NBEA: variants seen among roughly 807,000 people sequenced by gnomAD.
NBEA encodes neurobeachin.
In NBEA, 44 loss-of-function variants were observed where a neutral mutation model predicts 343.4. That is an observed-to-expected ratio of 0.13 (90% CI 0.10 to 0.16). The LOEUF (loss-of-function observed/expected upper bound fraction) is 0.16. Among genes scored for constraint, NBEA ranks in the 10% least tolerant of loss-of-function variants. NBEA has a pLI of 1.00. For missense variants in NBEA, 2,555 were observed against 3,631.3 expected (o/e 0.70, Z 7.62); for synonymous variants, 1,175 against 1,238.7 (o/e 0.95, Z 1.08).
chr13:35,071,912 A>G (rs1010013268), intron 10 of NBEA, among the ~76,000 whole-genome samples: 1 of 152,070 alleles, frequency 6.6e-6, no homozygotes, highest in African/African-American at 2.4e-5. Context: ...CCTCCCGTCT[A>G]TGGGTCTTGC....
At chr13:35,446,288 T>C (rs2046039644) in intron 39 of NBEA, among the ~76,000 whole-genome samples, 1 of 152,212 alleles carries the variant, frequency 6.6e-6, no homozygotes, top group African/African-American at 2.4e-5. Context: ...CGTGTGCATG[T>C]GTCTTTATAG....
intron 17 of NBEA, among the ~76,000 whole-genome samples, chr13:35,126,809 T>C (rs1037650684): frequency 1.3e-5 from 2 of 151,330 alleles, no homozygotes; most frequent in African/African-American, 4.9e-5. Flanking sequence ...TCCCAGCTAC[T>C]CGGGAGGCTG....
intron 48 of NBEA, among the ~76,000 whole-genome samples, chr13:35,627,555 C>T (rs1258321881): frequency 2.0e-5 from 3 of 152,044 alleles, no homozygotes; most frequent in Non-Finnish European, 2.9e-5. Context: ...GATTCCCAAA[C>T]TGTGTAATAG....
At chr13:35,390,887 G>A (rs943318587) in intron 38 of NBEA, among the ~76,000 whole-genome samples, 4 of 151,586 alleles carry the variant, frequency 2.6e-5, no homozygotes, top group Non-Finnish European at 5.9e-5. Context: ...TCTTAATATT[G>A]CTGCTATACA....
At position 35,308,540 on chromosome 13, in the gene NBEA, GTA is replaced by G. The variant is rs1193426602; in HGVS notation, c.5839-980_5839-979del. On this transcript the variant is annotated intron_variant, in intron 35 of 58. Transcript: ENST00000379939. ...TATATATGTATATATATGTATATAT[GTA>G]TATATATGTATATATGTATATATGT... Among the ~76,000 whole-genome samples, 302 of 73,980 alleles carry G rather than the reference GTA, an allele frequency of 4.1e-3. 2 individuals are homozygous for G. The highest frequency in any genetic ancestry group is 0.011 in the South Asian group (25 of 2,284). The allele number at this position is 73,980 out of a possible 152,430, so 48.5% of individuals were successfully genotyped here.
intron 38 of NBEA, among the ~76,000 whole-genome samples, chr13:35,365,933 G>A (rs1594366363): frequency 6.6e-6 from 1 of 151,636 alleles, no homozygotes; most frequent in East Asian, 1.9e-4. Flanking sequence ...TGATATTTGT[G>A]CTCACAAGTA....
chr13:35,446,298 G>A (rs966489435), intron 39 of NBEA, among the ~76,000 whole-genome samples: 1 of 152,124 alleles, frequency 6.6e-6, no homozygotes, highest in Non-Finnish European at 1.5e-5. Flanking sequence ...TGTCTTTATA[G>A]CAGCATGATT....
intron 10 of NBEA, among the ~76,000 whole-genome samples, chr13:35,080,597 G>T (rs954690541): frequency 1.4e-4 from 21 of 152,120 alleles, no homozygotes; most frequent in African/African-American, 3.9e-4. Flanking sequence ...AACCTTTGGG[G>T]CGGTAAAGCT....
In NBEA at chr13:35,293,651, T is replaced by A. The variant is rs140740775; in HGVS notation, c.5838+3201T>A. Among the ~76,000 whole-genome samples the A allele has an allele frequency of 1.4e-4, 21 of 152,162 alleles. No individual in the cohort carries two copies. In the East Asian group the frequency reaches 3.9e-3, roughly 28 times the overall value. The stretch of plus-strand genomic sequence containing the variant: ...TGAAGTGCTTATTCTCTATTTGTGC[T>A]TATTGGTTTATTACATTATTTTTAC... On this transcript the variant is annotated intron_variant, in intron 35 of 58. Transcript: ENST00000379939.
chr13:35,312,174 T>C (rs1220716151), intron 36 of NBEA, among the ~76,000 whole-genome samples: 1 of 152,164 alleles, frequency 6.6e-6, no homozygotes, highest in Non-Finnish European at 1.5e-5. Context: ...CATACAGTAA[T>C]ACAAGGATAC....
intron 40 of NBEA, among the ~76,000 whole-genome samples, chr13:35,462,622 A>T (rs527267273): frequency 2.0e-5 from 3 of 152,172 alleles, no homozygotes; most frequent in East Asian, 1.9e-4. Context: ...ACAGTGATGA[A>T]TTTTTTTAAA....
intron 41 of NBEA, among the ~76,000 whole-genome samples, chr13:35,534,284 CTA>C (rs2078421498): frequency 6.6e-6 from 1 of 152,162 alleles, no homozygotes; most frequent in African/African-American, 2.4e-5. Context: ...CACTCTAGCC[CTA>C]TCTGTCTCAG....
chr13:35,537,031 G>C (rs2078590396), intron 41 of NBEA, among the ~76,000 whole-genome samples: 1 of 152,144 alleles, frequency 6.6e-6, no homozygotes, highest in Non-Finnish European at 1.5e-5. Flanking sequence ...CAGGGAAATG[G>C]GGCAGGGGGA....
intron 38 of NBEA, among the ~76,000 whole-genome samples, chr13:35,429,642 G>A (rs1210154747): frequency 2.0e-5 from 3 of 152,002 alleles, no homozygotes; most frequent in Non-Finnish European, 4.4e-5. Context: ...ATTTTAATAG[G>A]TTTCTGGGGA....
intron 40 of NBEA, among the ~76,000 whole-genome samples, chr13:35,459,751 G>A (rs1159062712): frequency 2.0e-5 from 3 of 152,044 alleles, no homozygotes; most frequent in African/African-American, 7.2e-5. Flanking sequence ...TAGAGCATGT[G>A]GGAAGACGAA....
At chr13:35,122,305 G>T (rs1345853878) in intron 16 of NBEA, among the ~76,000 whole-genome samples, 1 of 152,028 alleles carries the variant, frequency 6.6e-6, no homozygotes, top group East Asian at 1.9e-4. Context: ...CAATAGCAAA[G>T]ACTTGGAACC....
intron 10 of NBEA, among the ~76,000 whole-genome samples, chr13:35,083,871 G>A (rs1044925369): frequency 4.6e-5 from 7 of 152,074 alleles, no homozygotes; most frequent in Admixed American, 6.6e-5. Context: ...AAAATAAAGG[G>A]ATGGAGGAAG....
intron 36 of NBEA, among the ~76,000 whole-genome samples, chr13:35,326,665 A>G (rs560159091): frequency 1.1e-4 from 16 of 152,080 alleles, no homozygotes; most frequent in Admixed American, 2.6e-4. Context: ...TACAACTTCC[A>G]GTACTATGTG....
At chr13:35,232,699 A>G in intron 34 of NBEA, 80 bp downstream of exon 34, 1 of 1,101,308 alleles carries the variant, frequency 9.1e-7, no homozygotes, top group Non-Finnish European at 1.2e-6. Context: ...TTCTGGAGGA[A>G]TATATATTTC....
Sources: gnomAD v4.1 joint callset for allele counts (sites outside exome capture counted in the v4.1 genomes callset) on GRCh38, gnomAD v4.1.1 for gene constraint, MANE v1.5 for transcripts, NCBI Gene and HGNC (gene_info 2026-07-23, HGNC 2026-07-21) for gene names.